The following EXOC4 variants were observed in gnomAD, a reference collection of about 807,000 sequenced individuals.
EXOC4 encodes the protein SEC8-like 1.
Under a neutral mutation model 107.2 loss-of-function variants are expected in EXOC4, and 71 were observed. The ratio of observed to expected loss-of-function variants is 0.66; its 90% CI spans 0.55 to 0.81. The LOEUF (loss-of-function observed/expected upper bound fraction) is 0.81. Ranked by LOEUF, EXOC4 falls within the 30% of genes least tolerant of loss-of-function variation. The probability of loss-of-function intolerance (pLI) is 0.00; values close to 1 mark genes in which losing one functional copy is unlikely to be tolerated. For synonymous variants in EXOC4, 456 were observed against 441.2 expected, an observed-to-expected ratio of 1.03 and a Z score of -0.42; for missense variants, 1,108 against 1,189.6, an observed-to-expected ratio of 0.93 and a Z score of 1.01.
chr7:133,339,522 A>G, intron 5 of EXOC4, among the ~76,000 whole-genome samples: 1 of 152,006 alleles, frequency 6.6e-6, no homozygotes, highest in East Asian at 1.9e-4. Context: ...GAATTTTAAG[A>G]TTGTTTTTTC....
chr7:133,900,924 C>T (rs574860830), intron 12 of EXOC4, among the ~76,000 whole-genome samples: 1 of 152,262 alleles, frequency 6.6e-6, no homozygotes, highest in Non-Finnish European at 1.5e-5. Flanking sequence ...GGCTGGAGTG[C>T]GGTGGCACGA....
chr7:133,619,021 A>G (rs1300666592), intron 9 of EXOC4, among the ~76,000 whole-genome samples: 3 of 152,098 alleles, frequency 2.0e-5, no homozygotes, highest in Non-Finnish European at 4.4e-5. Flanking sequence ...TGCTTCCTAG[A>G]GTGTTTGGAA....
intron 9 of EXOC4, among the ~76,000 whole-genome samples, chr7:133,552,577 T>C (rs866772980): frequency 5.9e-5 from 9 of 152,284 alleles, no homozygotes; most frequent in South Asian, 2.1e-4. Flanking sequence ...TAGGGAGAGA[T>C]GGCAGATTGG....
intron 17 of EXOC4, among the ~76,000 whole-genome samples, chr7:134,039,876 A>T (rs770071633): frequency 5.9e-5 from 9 of 152,130 alleles, no homozygotes; most frequent in Non-Finnish European, 1.3e-4. Flanking sequence ...AAGTTTTCAG[A>T]TATTAGTAAC....
rs1798620094 is a variant in EXOC4 at position 133,462,589 on chromosome 7, A to C, written c.1183-12739A>C. 3.3e-5 allele frequency among the ~76,000 whole-genome samples: 5 copies of C among 152,300 alleles called. No individual in the cohort carries two copies. In the South Asian group the frequency reaches 8.3e-4, roughly 25 times the overall value. On this transcript the variant is annotated intron_variant, in intron 7 of 17. Transcript: ENST00000253861. Reference sequence around the variant, plus strand: ...CATGCATGTAACTCTGATTAGTAACATCTGAATGGAGGAAAAGTAGTTTGC... The same window carrying C: ...CATGCATGTAACTCTGATTAGTAACCTCTGAATGGAGGAAAAGTAGTTTGC...
At chr7:133,419,964 C>CTT (rs60203961) in intron 7 of EXOC4, among the ~76,000 whole-genome samples, 105 of 134,472 alleles carry the variant, frequency 7.8e-4, no homozygotes, top group Middle Eastern at 3.8e-3. Context: ...TCTGCTTCTT[C>CTT]TTTTTTTTTT....
chr7:133,253,516 T>TG, intron 1 of EXOC4: 1 of 1,048,792 alleles, frequency 9.5e-7, no homozygotes, highest in South Asian at 4.0e-5. Context: ...ATTCCTAAAA[T>TG]GCTTGTTTAT....
chr7:133,856,732 G>T (rs890796420), intron 11 of EXOC4, among the ~76,000 whole-genome samples: 2 of 151,998 alleles, frequency 1.3e-5, no homozygotes, highest in African/African-American at 4.8e-5. Flanking sequence ...TGCATCTCTA[G>T]GCTTCTTGAT....
chr7:133,271,626 G>A (rs1489249056), intron 1 of EXOC4, among the ~76,000 whole-genome samples: 2 of 152,166 alleles, frequency 1.3e-5, no homozygotes, highest in Admixed American at 6.5e-5. Context: ...TTCGGAGCTC[G>A]GAGTTCTTCT....
At chr7:133,526,101 T>C (rs1800073244) in intron 9 of EXOC4, among the ~76,000 whole-genome samples, 2 of 152,198 alleles carry the variant, frequency 1.3e-5, no homozygotes, top group South Asian at 4.1e-4. Flanking sequence ...CTTTCACTTA[T>C]TCTGCCAGAA....
rs775034999 is a variant in EXOC4 at position 133,275,116 on chromosome 7, G to A, written c.221G>A (p.Arg74His). The A allele has an allele frequency of 3.3e-5, 54 of 1,613,142 alleles. No homozygotes were observed. The highest frequency in any genetic ancestry group is 3.9e-5 in the Non-Finnish European group (46 of 1,179,566). The change falls in exon 2 of 18, where the codon CGC becomes CAC. Residue 74 changes from arginine to histidine, a missense_variant. Transcript: ENST00000253861. ...QHYTELTTAIRTYQSITERIT... is the reference protein window; with the variant it reads ...QHYTELTTAIHTYQSITERIT... ...TACACAGAATTGACGACAGCCATTC[G>A]CACATACCAGAGCATCACAGAGCGC...
chr7:133,545,850 G>A (rs1800470147), intron 9 of EXOC4, among the ~76,000 whole-genome samples: 1 of 152,144 alleles, frequency 6.6e-6, no homozygotes, highest in Non-Finnish European at 1.5e-5. Context: ...GAGGATGGTT[G>A]GCATGTTCTC....
chr7:133,364,205 T>G (rs1040736005), intron 6 of EXOC4, among the ~76,000 whole-genome samples: 3 of 151,732 alleles, frequency 2.0e-5, no homozygotes, highest in African/African-American at 7.2e-5. Flanking sequence ...CATGGCTCAC[T>G]GTAGCCTTGA....
intron 10 of EXOC4, among the ~76,000 whole-genome samples, chr7:133,817,032 C>G (rs1425622845): frequency 6.6e-6 from 1 of 152,142 alleles, no homozygotes; most frequent in African/African-American, 2.4e-5. Context: ...TTGTTTTTCA[C>G]ATTTTCCCAT....
chr7:133,899,914 T>A (rs182564883), intron 12 of EXOC4, among the ~76,000 whole-genome samples: 3 of 152,032 alleles, frequency 2.0e-5, no homozygotes, highest in African/African-American at 7.2e-5. Context: ...CCCAACTGTC[T>A]ATTTATTTAT....
chr7:133,644,700 G>T (rs558705338), intron 10 of EXOC4, among the ~76,000 whole-genome samples: 1 of 152,240 alleles, frequency 6.6e-6, no homozygotes, highest in South Asian at 2.1e-4. Flanking sequence ...TCTGCACTTT[G>T]TTGGATCTGG....
intron 13 of EXOC4, among the ~76,000 whole-genome samples, chr7:133,923,265 A>T (rs946433678): frequency 4.0e-5 from 6 of 151,648 alleles, no homozygotes; most frequent in Admixed American, 3.3e-4. Context: ...AGTAGCTGGG[A>T]TTACAGGCAC....
intron 14 of EXOC4, among the ~76,000 whole-genome samples, chr7:133,955,709 A>T (rs1259920023): frequency 6.6e-6 from 1 of 151,920 alleles, no homozygotes; most frequent in Admixed American, 6.6e-5. Flanking sequence ...GCCAAGGGGC[A>T]CCTACAGGCC....
intron 17 of EXOC4, among the ~76,000 whole-genome samples, chr7:134,032,965 A>T (rs1170086145): frequency 6.6e-6 from 1 of 152,168 alleles, no homozygotes; most frequent in African/African-American, 2.4e-5. Context: ...AAGATGGCAG[A>T]CTCATTACTG....
Sources: allele counts gnomAD v4.1 joint callset (sites outside exome capture counted in the v4.1 genomes callset), GRCh38; gene constraint gnomAD v4.1.1; transcripts MANE v1.5; gene names NCBI Gene and HGNC (gene_info 2026-07-23, HGNC 2026-07-21).